Variants in SARAF observed in about 807,000 individuals in gnomAD.
The protein encoded by SARAF is store-operated calcium entry associated regulatory factor, also known as store-operated calcium entry-associated regulatory factor.
SARAF carries 23 observed loss-of-function variants against 39.7 expected under a neutral mutation model. The observed-to-expected ratio is 0.58, with a 90% CI of 0.42 to 0.82. The LOEUF is 0.82. SARAF is among the 40% of genes least tolerant of loss of function. The pLI is 0.00. For missense variants in SARAF, 384 were observed against 418.5 expected (o/e 0.92, Z 0.72); for synonymous variants, 175 against 168.5 (o/e 1.04, Z -0.30).
intron 1 of SARAF, among the ~76,000 whole-genome samples, chr8:30,079,683 A>G (rs75206985): frequency 0.013 from 2,036 of 152,346 alleles, 49 homozygotes; most frequent in East Asian, 0.075. Flanking sequence ...TTCCTCACCT[A>G]CAAAATTAAA....
intron 2 of SARAF, among the ~76,000 whole-genome samples, chr8:30,071,241 A>C (rs1585438338): frequency 6.6e-6 from 1 of 152,152 alleles, no homozygotes; most frequent in Non-Finnish European, 1.5e-5. Flanking sequence ...CTTCAAAAAT[A>C]GAGGCTGAGG....
intron 1 of SARAF, among the ~76,000 whole-genome samples, chr8:30,078,976 G>A (rs1306430240): frequency 6.6e-6 from 1 of 152,000 alleles, no homozygotes; most frequent in Non-Finnish European, 1.5e-5. Flanking sequence ...GGACAACATG[G>A]TGAAACCCCA....
At position 30,066,018 on chromosome 8, in the gene SARAF, T is replaced by C. The variant is rs752725293; in HGVS notation, c.964A>G (p.Asn322Asp). 26 of 1,614,058 alleles carry C rather than the reference T, an allele frequency of 1.6e-5. No homozygotes were observed. Among genetic ancestry groups the C allele is most frequent in the South Asian group, 2.2e-5 (2 of 91,094 alleles). The change falls in exon 5 of 6, where the codon AAC becomes GAC. Residue 322 changes from asparagine (N) to aspartate (D), a missense_variant. Coordinates refer to ENST00000256255, the MANE Select transcript of SARAF (RefSeq NM_016127.6). The part of the protein sequence containing the change: ...GGSGSYSVCS[N>D]SDTKTRTASG... ...GCAGTTCTGGTTTTCGTGTCTGAGT[T>C]TGAACATACCGAATAGCTGCCCGAG...
intron 1 of SARAF, among the ~76,000 whole-genome samples, chr8:30,077,402 T>C (rs1392634277): frequency 2.6e-5 from 4 of 152,128 alleles, no homozygotes; most frequent in African/African-American, 9.7e-5. Flanking sequence ...GAGGCTGCAG[T>C]GAGCCATGCA....
In SARAF at chr8:30,063,852, A is replaced by G; in HGVS notation, c.*36T>C. 1 of 1,607,148 alleles carries G rather than the reference A, an allele frequency of 6.2e-7. No individual in the cohort carries two copies. The highest frequency in any genetic ancestry group is 8.5e-7 in the Non-Finnish European group (1 of 1,173,982). ...AAGAGAAAGTGATGAAAAATCCAAA[A>G]TTTCTGCATCCAGTGTTTGACTCCA... On this transcript the variant is annotated 3_prime_UTR_variant, in exon 6 of 6. Transcript: ENST00000256255.
At chr8:30,074,475 G>A (rs1244890289) in intron 1 of SARAF, among the ~76,000 whole-genome samples, 2 of 152,160 alleles carry the variant, frequency 1.3e-5, no homozygotes, top group Non-Finnish European at 2.9e-5. Flanking sequence ...ACCTATTACA[G>A]TGGAATATTA....
intron 2 of SARAF, chr8:30,073,661 G>A (rs978893220): frequency 8.9e-6 from 4 of 447,840 alleles, no homozygotes; most frequent in Admixed American, 3.9e-5. Context: ...AGGAGGTCAC[G>A]ATACAAAAAC....
chr8:30,082,790 G>C (rs776783337), intron 1 of SARAF, 57 bp downstream of exon 1: 1 of 1,400,850 alleles, frequency 7.1e-7, no homozygotes, highest in Admixed American at 2.6e-5. Context: ...AGCCTGCACC[G>C]GCTGACGGCG....
chr8:30,072,133 G>T (rs1264595904), intron 2 of SARAF, among the ~76,000 whole-genome samples: 3 of 152,122 alleles, frequency 2.0e-5, no homozygotes. Flanking sequence ...TTTTATTATA[G>T]CCTTCCTACT....
chr8:30,082,565 C>T, intron 1 of SARAF: 1 of 356,624 alleles, frequency 2.8e-6, no homozygotes, highest in East Asian at 4.9e-5. Flanking sequence ...ATGAGAAAGA[C>T]GACAATGGGC....
intron 1 of SARAF, among the ~76,000 whole-genome samples, chr8:30,077,279 A>C (rs1278161983): frequency 6.6e-6 from 1 of 151,540 alleles, no homozygotes; most frequent in Non-Finnish European, 1.5e-5. Flanking sequence ...AACATGGCAA[A>C]ACCCTGTCTC....
intron 2 of SARAF, among the ~76,000 whole-genome samples, chr8:30,071,796 T>A (rs1449611798): frequency 2.7e-5 from 4 of 150,416 alleles, no homozygotes; most frequent in African/African-American, 9.8e-5. Context: ...ATTTCACTTT[T>A]TTATGGCTAA....
At position 30,073,891 on chromosome 8, in the gene SARAF, C is replaced by T; in HGVS notation, c.268G>A (p.Gly90Arg). Residue 90 changes from glycine to arginine, a missense_variant, in exon 2 of 6, where the codon GGG (glycine) becomes AGG (arginine). Gly to Arg is a moderately radical substitution (Grantham distance 125, BLOSUM62 -2). Transcript: ENST00000256255. ...VIQCQNKGWDGYDVQWECKTD... is the reference protein window; with the variant it reads ...VIQCQNKGWDRYDVQWECKTD... ...GTGGATATTACCTGTACATCATACC[C>T]ATCCCAGCCTTTGTTCTGACACTGT... is the stretch of plus-strand genomic sequence containing the variant. 1 of 1,614,138 alleles carries T rather than the reference C, an allele frequency of 6.2e-7. No homozygotes were observed.
Position 30,074,082 on chromosome 8 carries a change from A to G in SARAF, c.104-27T>C, listed in dbSNP as rs777127857. 41 of 1,602,198 alleles carry G rather than the reference A, an allele frequency of 2.6e-5. No homozygotes were observed. The South Asian group carries it at 4.3e-4, about 17-fold the overall frequency. On this transcript the variant is annotated intron_variant, in intron 1 of 5. Coordinates refer to ENST00000256255, the MANE Select transcript of SARAF (RefSeq NM_016127.6). ...TGAAACAGCAAGAAAACAGAGGAAC[A>G]CAAAGTAAGTATCGTGTCAGAGAAA...
At chr8:30,081,882 T>C (rs938470872) in intron 1 of SARAF, among the ~76,000 whole-genome samples, 2 of 152,172 alleles carry the variant, frequency 1.3e-5, no homozygotes, top group Admixed American at 1.3e-4. Flanking sequence ...ACAATTTTAA[T>C]ACTGTACTGA....
At chr8:30,082,324 T>C (rs147257310) in intron 1 of SARAF, 1 of 121,596 alleles carries the variant, frequency 8.2e-6, no homozygotes, top group Non-Finnish European at 1.7e-5. Flanking sequence ...GGCGACAATG[T>C]GAGACTCCGA....
At chr8:30,065,166 C>A (rs564361576) in intron 5 of SARAF, among the ~76,000 whole-genome samples, 1 of 152,234 alleles carries the variant, frequency 6.6e-6, no homozygotes, top group African/African-American at 2.4e-5. Context: ...TGGGCTGTTT[C>A]CAGTTTTGGG....
At chr8:30,081,639 C>T (rs1036730946) in intron 1 of SARAF, among the ~76,000 whole-genome samples, 2 of 152,010 alleles carry the variant, frequency 1.3e-5, no homozygotes, top group African/African-American at 4.8e-5. Context: ...TGCTTAAATT[C>T]GACAATGCAG....
At chr8:30,078,599 G>A (rs1323205636) in intron 1 of SARAF, among the ~76,000 whole-genome samples, 1 of 152,148 alleles carries the variant, frequency 6.6e-6, no homozygotes, top group Non-Finnish European at 1.5e-5. Flanking sequence ...CCATCGCTTT[G>A]CTAATGGTGG....
Sources: allele counts gnomAD v4.1 joint callset (sites outside exome capture counted in the v4.1 genomes callset), GRCh38; gene constraint gnomAD v4.1.1; transcripts MANE v1.5; gene names NCBI Gene and HGNC (gene_info 2026-07-23, HGNC 2026-07-21).